The following SPAG16 variants were observed in gnomAD, a reference collection of about 807,000 sequenced individuals.
The protein encoded by SPAG16 is sperm associated antigen 16.
A neutral mutation model predicts 80.4 loss-of-function variants in SPAG16; 86 were observed. The observed-to-expected ratio is 1.07, with a 90% CI of 0.90 to 1.28. The LOEUF (loss-of-function observed/expected upper bound fraction) is 1.28. Ranked by LOEUF, SPAG16 falls within the 50% of genes most tolerant of loss-of-function variation. The pLI, the probability that SPAG16 is intolerant of heterozygous loss-of-function variation, is 0.00. For missense variants in SPAG16, 870 were observed against 765.3 expected (o/e 1.14, Z -1.61); for synonymous variants, 294 against 265.9 (o/e 1.11, Z -1.03).
intron 10 of SPAG16, among the ~76,000 whole-genome samples, chr2:213,499,860 C>A (rs115533559): frequency 2.0e-3 from 309 of 152,288 alleles, no homozygotes; most frequent in African/African-American, 7.0e-3. Flanking sequence ...GTTTTCTCAA[C>A]AGTCATCCCC....
intron 10 of SPAG16, among the ~76,000 whole-genome samples, chr2:213,751,808 A>G (rs1203110647): frequency 1.3e-5 from 2 of 152,186 alleles, no homozygotes; most frequent in African/African-American, 2.4e-5. Context: ...ATACTTAGGC[A>G]TTAGGCCATC....
intron 13 of SPAG16, among the ~76,000 whole-genome samples, chr2:214,090,864 T>C (rs1459938901): frequency 6.6e-6 from 1 of 152,052 alleles, no homozygotes. Flanking sequence ...ACAGGGCCTA[T>C]AGAGTGCCTT....
intron 11 of SPAG16, among the ~76,000 whole-genome samples, chr2:213,928,251 A>ATTT (rs566334387): frequency 6.2e-5 from 9 of 144,136 alleles, no homozygotes; most frequent in African/African-American, 1.5e-4. Flanking sequence ...TGCCTGGCTA[A>ATTT]TTTTTTTTTT....
chr2:214,258,976 A>T (rs991515096), intron 15 of SPAG16, among the ~76,000 whole-genome samples: 1 of 151,994 alleles, frequency 6.6e-6, no homozygotes, highest in Non-Finnish European at 1.5e-5. Flanking sequence ...CATAATTATC[A>T]TAGTTATCTT....
intron 10 of SPAG16, among the ~76,000 whole-genome samples, chr2:213,816,048 C>G (rs1029098368): frequency 6.6e-6 from 1 of 152,050 alleles, no homozygotes; most frequent in Non-Finnish European, 1.5e-5. Context: ...TGAAGTAAAC[C>G]TAGATCAAGA....
rs532087575 is a variant in SPAG16, at chr2:214,303,423, T to C, written c.1721-106717T>C. Among the ~76,000 whole-genome samples the C allele has an allele frequency of 2.0e-5, 3 of 152,350 alleles. No homozygotes were observed. The East Asian group carries it at 5.8e-4, about 29-fold the overall frequency. ...ATATAAAATTCATGGATGGCATTTT[T>C]TTAAAGAACTCCACAAACAGTGCCC... On this transcript the variant is annotated intron_variant, in intron 15 of 15. Coordinates refer to ENST00000331683, the MANE Select transcript of SPAG16 (RefSeq NM_024532.5).
intron 15 of SPAG16, among the ~76,000 whole-genome samples, chr2:214,231,171 T>C (rs1688676218): frequency 6.6e-6 from 1 of 151,992 alleles, no homozygotes; most frequent in South Asian, 2.1e-4. Context: ...TAAGTGAGTC[T>C]AGGATTAGGT....
intron 10 of SPAG16, among the ~76,000 whole-genome samples, chr2:213,589,055 G>A (rs1388905810): frequency 6.6e-6 from 1 of 151,880 alleles, no homozygotes; most frequent in Non-Finnish European, 1.5e-5. Context: ...TTATTTATTA[G>A]GTTTTACAAA....
chr2:213,995,318 G>A (rs546484493), intron 12 of SPAG16, among the ~76,000 whole-genome samples: 2 of 152,296 alleles, frequency 1.3e-5, no homozygotes, highest in Admixed American at 1.3e-4. Context: ...GCGGGGTGGG[G>A]CTCAGGAAAA....
At chr2:214,351,317 A>G (rs990644806) in intron 15 of SPAG16, among the ~76,000 whole-genome samples, 2 of 152,164 alleles carry the variant, frequency 1.3e-5, no homozygotes, top group Non-Finnish European at 2.9e-5. Context: ...TATTATATCC[A>G]TATATTAAAG....
chr2:213,644,090 G>A (rs191496298), intron 10 of SPAG16, among the ~76,000 whole-genome samples: 216 of 150,886 alleles, frequency 1.4e-3, no homozygotes, highest in Middle Eastern at 0.014. Context: ...CCAAGCTCAC[G>A]AATTCTTTCT....
intron 10 of SPAG16, among the ~76,000 whole-genome samples, chr2:213,744,008 G>A (rs2067701218): frequency 6.6e-6 from 1 of 152,082 alleles, no homozygotes; most frequent in Admixed American, 6.5e-5. Context: ...TTTAGTGTGA[G>A]CATCTCTTTT....
At chr2:213,889,595 T>C (rs1251344032) in intron 11 of SPAG16, among the ~76,000 whole-genome samples, 1 of 150,844 alleles carries the variant, frequency 6.6e-6, no homozygotes, top group Non-Finnish European at 1.5e-5. Flanking sequence ...ACAGCCTTGT[T>C]GCTCACACAC....
intron 10 of SPAG16, among the ~76,000 whole-genome samples, chr2:213,565,074 A>G (rs896249265): frequency 6.6e-6 from 1 of 152,204 alleles, no homozygotes; most frequent in Admixed American, 6.5e-5. Context: ...GAGTTACTCA[A>G]ATAAGATGTG....
intron 15 of SPAG16, among the ~76,000 whole-genome samples, chr2:214,376,017 T>G (rs1274770256): frequency 2.0e-5 from 3 of 152,126 alleles, no homozygotes; most frequent in African/African-American, 7.2e-5. Context: ...TGCTTCAGAT[T>G]CTGCAAAATA....
At position 214,169,970 on chromosome 2, in the gene SPAG16, G is replaced by T. The variant is rs145934923; in HGVS notation, c.1720+20704G>T. On this transcript the variant is annotated intron_variant, in intron 15 of 15. Transcript: ENST00000331683. ...AGCTGGCCAGTAACCTGATCTCTCTGGTTTGAGTTCATCAAAGACATTTCT... is the reference window on the plus strand; with the variant it reads ...AGCTGGCCAGTAACCTGATCTCTCTTGTTTGAGTTCATCAAAGACATTTCT... Among the ~76,000 whole-genome samples, 58 of 152,062 alleles carry T rather than the reference G, an allele frequency of 3.8e-4. No individual in the cohort carries two copies. The East Asian group carries it at 0.01, about 26-fold the overall frequency.
chr2:213,450,262 C>T (rs1222602250), intron 9 of SPAG16, among the ~76,000 whole-genome samples: 2 of 152,114 alleles, frequency 1.3e-5, no homozygotes, highest in African/African-American at 4.8e-5. Context: ...CAAGATTGTG[C>T]CACTGCACTC....
chr2:213,380,914 C>T (rs1001116031), intron 9 of SPAG16, among the ~76,000 whole-genome samples: 1 of 152,162 alleles, frequency 6.6e-6, no homozygotes, highest in African/African-American at 2.4e-5. Context: ...GCCAGAGTTA[C>T]CTACCCCAAT....
At chr2:214,142,958 C>T (rs982988389) in intron 14 of SPAG16, among the ~76,000 whole-genome samples, 7 of 152,174 alleles carry the variant, frequency 4.6e-5, no homozygotes, top group African/African-American at 1.7e-4. Context: ...TCCCTATTCT[C>T]TATTTTGTGT....
Sources: allele counts gnomAD v4.1 joint callset (sites outside exome capture counted in the v4.1 genomes callset), GRCh38; gene constraint gnomAD v4.1.1; transcripts MANE v1.5; gene names NCBI Gene and HGNC (gene_info 2026-07-23, HGNC 2026-07-21).